Variants in DSCAM observed in about 807,000 individuals in gnomAD.
The protein encoded by DSCAM is DS cell adhesion molecule, also known as cell adhesion molecule DSCAM.
Under a neutral mutation model 217.7 loss-of-function variants are expected in DSCAM, and 47 were observed. That is an observed-to-expected ratio of 0.22 (90% confidence interval 0.17 to 0.28). DSCAM has a LOEUF of 0.28. Ranked by LOEUF, DSCAM falls within the 10% of genes least tolerant of loss-of-function variation. The probability of loss-of-function intolerance (pLI) is 1.00; values close to 1 mark genes in which losing one functional copy is unlikely to be tolerated. For missense variants in DSCAM, 2,080 were observed against 2,618.3 expected, an observed-to-expected ratio of 0.79 and a Z score of 4.49; for synonymous variants, 1,056 against 1,015.3, an observed-to-expected ratio of 1.04 and a Z score of -0.76.
At chr21:40,157,735 C>T (rs1442774631) in intron 16 of DSCAM, among the ~76,000 whole-genome samples, 2 of 151,578 alleles carry the variant, frequency 1.3e-5, no homozygotes, top group African/African-American at 4.9e-5. Context: ...CGCCTTGTCA[C>T]CCAGGCTGGA....
At chr21:40,801,271 T>A (rs2091738265) in intron 1 of DSCAM, among the ~76,000 whole-genome samples, 2 of 152,194 alleles carry the variant, frequency 1.3e-5, no homozygotes, top group African/African-American at 4.8e-5. Flanking sequence ...CTGCTTATGC[T>A]GATATTTGGG....
chr21:40,616,451 G>A (rs1644396960), intron 3 of DSCAM, among the ~76,000 whole-genome samples: 1 of 152,174 alleles, frequency 6.6e-6, no homozygotes, highest in Non-Finnish European at 1.5e-5. Context: ...TGTGTGACCA[G>A]CTCCTGATAA....
At chr21:40,191,479 C>A (rs2410221) in intron 11 of DSCAM, among the ~76,000 whole-genome samples, 3 of 152,078 alleles carry the variant, frequency 2.0e-5, no homozygotes, top group African/African-American at 2.4e-5. Context: ...CTGATCCCCC[C>A]CTTCCCCTAG....
intron 2 of DSCAM, 109 bp from the exon 3 acceptor site, chr21:40,693,065 A>T (rs1285827399): frequency 2.4e-6 from 3 of 1,266,972 alleles, no homozygotes; most frequent in Middle Eastern, 2.1e-4. Flanking sequence ...ATTGCATAAC[A>T]TATCTTTCTG....
chr21:40,167,380 C>T (rs1433016772), intron 15 of DSCAM, 92 bp from the exon 16 acceptor site: 1 of 1,095,574 alleles, frequency 9.1e-7, no homozygotes, highest in East Asian at 2.4e-5. Context: ...GAGGACAACC[C>T]ATCCCTATGT....
At chr21:40,202,132 G>A (rs2091076327) in intron 11 of DSCAM, among the ~76,000 whole-genome samples, 1 of 152,182 alleles carries the variant, frequency 6.6e-6, no homozygotes, top group Non-Finnish European at 1.5e-5. Flanking sequence ...AGAGGACCAT[G>A]AGAAGGACAA....
chr21:40,552,787 C>T (rs1364839959), intron 3 of DSCAM, among the ~76,000 whole-genome samples: 2 of 152,176 alleles, frequency 1.3e-5, no homozygotes, highest in African/African-American at 2.4e-5. Flanking sequence ...ACTAATTTCA[C>T]CATAATTGAT....
chr21:40,719,446 CTAAG>C, intron 1 of DSCAM, among the ~76,000 whole-genome samples: 1 of 152,130 alleles, frequency 6.6e-6, no homozygotes, highest in East Asian at 1.9e-4. Context: ...AATTTCACTC[CTAAG>C]TATTTATACA....
At chr21:40,280,435 C>T (rs1475729581) in intron 10 of DSCAM, among the ~76,000 whole-genome samples, 1 of 152,194 alleles carries the variant, frequency 6.6e-6, no homozygotes, top group African/African-American at 2.4e-5. Context: ...TTGATCCTTC[C>T]ACCTTAGCCT....
intron 3 of DSCAM, among the ~76,000 whole-genome samples, chr21:40,574,706 A>ATT (rs35778831): frequency 0.035 from 4,525 of 127,544 alleles, 236 homozygotes; most frequent in African/African-American, 0.11. Context: ...AAGGTGCCTG[A>ATT]TTTTTTTTTT....
intron 20 of DSCAM, among the ~76,000 whole-genome samples, chr21:40,114,479 A>T (rs1200912847): frequency 2.6e-5 from 4 of 151,474 alleles, no homozygotes; most frequent in Non-Finnish European, 5.9e-5. Context: ...AACCTAGGCA[A>T]TACCATTCAG....
intron 1 of DSCAM, among the ~76,000 whole-genome samples, chr21:40,768,295 G>A (rs571705688): frequency 6.6e-6 from 1 of 152,158 alleles, no homozygotes; most frequent in East Asian, 1.9e-4. Flanking sequence ...CTTCCCACCT[G>A]CCTCATTACC....
intron 3 of DSCAM, among the ~76,000 whole-genome samples, chr21:40,624,010 T>C (rs1473970550): frequency 6.6e-6 from 1 of 152,224 alleles, no homozygotes; most frequent in African/African-American, 2.4e-5. Context: ...CTTTCAGTCT[T>C]CATATGGCGA....
chr21:40,244,256 G>C (rs1028409953), intron 11 of DSCAM, among the ~76,000 whole-genome samples: 16 of 152,128 alleles, frequency 1.1e-4, no homozygotes, highest in African/African-American at 3.9e-4. Flanking sequence ...TTCGAGACCA[G>C]ACTGGCCAAC....
chr21:40,760,897 C>A (rs2146583676), intron 1 of DSCAM, among the ~76,000 whole-genome samples: 1 of 152,338 alleles, frequency 6.6e-6, no homozygotes, highest in East Asian at 1.9e-4. Context: ...CACTGAGAAT[C>A]AACACGATCA....
intron 3 of DSCAM, among the ~76,000 whole-genome samples, chr21:40,555,462 A>AG (rs2076663581): frequency 6.6e-6 from 1 of 152,242 alleles, no homozygotes; most frequent in Non-Finnish European, 1.5e-5. Context: ...CTAAATATCA[A>AG]GATCGAGTAA....
At chr21:40,788,021 C>T (rs2091608763) in intron 1 of DSCAM, among the ~76,000 whole-genome samples, 1 of 152,192 alleles carries the variant, frequency 6.6e-6, no homozygotes. Context: ...GTTTCTCTGA[C>T]CTACAAAAAG....
intron 30 of DSCAM, among the ~76,000 whole-genome samples, chr21:40,049,086 A>G (rs994347156): frequency 1.3e-5 from 2 of 152,204 alleles, no homozygotes; most frequent in African/African-American, 2.4e-5. Flanking sequence ...GCATTTGAGT[A>G]GATTTGCTTG....
rs3070826 is a variant in DSCAM at position 40,639,075 on chromosome 21, A to AT, written c.508+53734dup. The stretch of plus-strand genomic sequence containing the variant: ...CGTCATAGACCCATAAATATCCTGC[A>AT]TTTTTTTTTTTTTTACAGCAGCCTC... On this transcript the variant is annotated intron_variant, in intron 3 of 32. Coordinates refer to ENST00000400454, the MANE Select transcript of DSCAM (RefSeq NM_001389.5). 5.4e-3 allele frequency among the ~76,000 whole-genome samples: 792 copies of AT among 146,018 alleles called. 9 individuals carry two copies. Among genetic ancestry groups the AT allele is most frequent in the African/African-American group, 0.014 (554 of 39,676 alleles).
Sources: allele counts gnomAD v4.1 joint callset (sites outside exome capture counted in the v4.1 genomes callset), GRCh38; gene constraint gnomAD v4.1.1; transcripts MANE v1.5; gene names NCBI Gene and HGNC (gene_info 2026-07-23, HGNC 2026-07-21).